DOCK10: variants seen among roughly 807,000 people sequenced by gnomAD.
The protein encoded by DOCK10 is dedicator of cytokinesis 10.
In DOCK10, 145 loss-of-function variants were observed where a neutral mutation model predicts 280.1. The observed-to-expected ratio is 0.52, with a 90% CI of 0.45 to 0.59. The LOEUF is 0.59. Ranked by LOEUF, DOCK10 falls within the 20% of genes least tolerant of loss-of-function variation. DOCK10 has a pLI of 0.00. For missense variants in DOCK10, 2,368 were observed against 2,651.7 expected, an observed-to-expected ratio of 0.89 and a Z score of 2.35; for synonymous variants, 915 against 942.2, an observed-to-expected ratio of 0.97 and a Z score of 0.53.
At chr2:225,000,032 G>T (rs929786043) in intron 1 of DOCK10, among the ~76,000 whole-genome samples, 2 of 152,164 alleles carry the variant, frequency 1.3e-5, no homozygotes, top group African/African-American at 4.8e-5. Context: ...CCTTCAGTTT[G>T]AAAATTACAG....
intron 4 of DOCK10, among the ~76,000 whole-genome samples, chr2:224,895,857 ATATATG>A (rs752136108): frequency 7.6e-4 from 80 of 105,844 alleles, no homozygotes; most frequent in African/African-American, 1.5e-3. Flanking sequence ...ATATATATAT[ATATATG>A]TCTTTTGTGG....
At chr2:224,789,653 T>C (rs1009864076) in intron 47 of DOCK10, among the ~76,000 whole-genome samples, 1 of 152,146 alleles carries the variant, frequency 6.6e-6, no homozygotes, top group East Asian at 1.9e-4. Context: ...GACAGGAGGA[T>C]TGCTTGAGCC....
At chr2:224,903,312 A>G (rs1441179466) in intron 3 of DOCK10, among the ~76,000 whole-genome samples, 1 of 152,250 alleles carries the variant, frequency 6.6e-6, no homozygotes, top group Non-Finnish European at 1.5e-5. Flanking sequence ...GTTACAATAT[A>G]TATAAGCATG....
chr2:224,796,528 G>A (rs1413000178), intron 43 of DOCK10, 102 bp from the exon 44 acceptor site: 11 of 695,784 alleles, frequency 1.6e-5, no homozygotes, highest in Non-Finnish European at 2.4e-6. Context: ...TCTCCCTGTA[G>A]GTCCAATAAA....
intron 24 of DOCK10, among the ~76,000 whole-genome samples, chr2:224,839,204 G>A (rs1159032655): frequency 6.6e-6 from 1 of 150,664 alleles, no homozygotes; most frequent in Non-Finnish European, 1.5e-5. Flanking sequence ...TCAGCCTCCC[G>A]AGTAGCTGGG....
In DOCK10 at chr2:224,931,660, C is replaced by T. The variant is rs759087972; in HGVS notation, c.132G>A (p.Lys44=). ...AATCCAAAGGCTCGAGAAGCCTAGGCTTTTCTTGCTGTAGAAAAAGAAAAT... is the reference window on the plus strand; with the variant it reads ...AATCCAAAGGCTCGAGAAGCCTAGGTTTTTCTTGCTGTAGAAAAAGAAAAT... ...VSSRQQQRQE[K]PRLLEPLDYE... The change falls in exon 2 of 56, where the codon AAG becomes AAA. Residue 44 remains lysine, a synonymous_variant. Transcript: ENST00000258390. The T allele has an allele frequency of 2.5e-6, 4 of 1,602,278 alleles. No individual in the cohort carries two copies. The East Asian group carries it at 8.9e-5, about 36-fold the overall frequency.
intron 1 of DOCK10, among the ~76,000 whole-genome samples, chr2:225,029,419 G>T (rs542377326): frequency 6.6e-6 from 1 of 152,250 alleles, no homozygotes; most frequent in Non-Finnish European, 1.5e-5. Flanking sequence ...TAATCCACCT[G>T]CCTCGGCCTC....
chr2:224,966,804 T>C (rs1704770022), intron 1 of DOCK10, among the ~76,000 whole-genome samples: 1 of 152,122 alleles, frequency 6.6e-6, no homozygotes, highest in Admixed American at 6.5e-5. Flanking sequence ...TATATTTTAT[T>C]GAGGCTGTGA....
chr2:224,782,506 G>C (rs1186065732), intron 50 of DOCK10, among the ~76,000 whole-genome samples: 1 of 152,162 alleles, frequency 6.6e-6, no homozygotes, highest in African/African-American at 2.4e-5. Flanking sequence ...CAATACCTCA[G>C]GGACACTTTG....
rs566771811 is a variant in DOCK10 at position 224,965,106 on chromosome 2, T to C, written c.124-33438A>G. The stretch of plus-strand genomic sequence containing the variant: ...CAAAAATATCAGCAATGAATAGGGT[T>C]GATTTTAGAAAATAATTACATTGTG... On this transcript the variant is annotated intron_variant, in intron 1 of 55. Coordinates refer to ENST00000258390, the MANE Select transcript of DOCK10 (RefSeq NM_014689.3). 3.1e-4 allele frequency among the ~76,000 whole-genome samples: 48 copies of C among 152,388 alleles called. No homozygotes were observed. The South Asian group carries it at 3.5e-3, about 11-fold the overall frequency.
At chr2:224,967,629 G>T (rs1166679895) in intron 1 of DOCK10, among the ~76,000 whole-genome samples, 1 of 151,910 alleles carries the variant, frequency 6.6e-6, no homozygotes, top group Non-Finnish European at 1.5e-5. Context: ...CCTCAAACTG[G>T]CTCTGTGTTG....
At chr2:224,850,501 T>A (rs187801166) in intron 18 of DOCK10, among the ~76,000 whole-genome samples, 1 of 152,296 alleles carries the variant, frequency 6.6e-6, no homozygotes, top group Admixed American at 6.5e-5. Flanking sequence ...TTTGCGGACC[T>A]CCCCTAGCCT....
chr2:225,011,095 G>A (rs1689422231), intron 1 of DOCK10, among the ~76,000 whole-genome samples: 1 of 152,192 alleles, frequency 6.6e-6, no homozygotes, highest in Non-Finnish European at 1.5e-5. Context: ...ATATTGATAT[G>A]ATATCTATCA....
At chr2:224,951,884 T>A (rs1703751715) in intron 1 of DOCK10, among the ~76,000 whole-genome samples, 1 of 152,138 alleles carries the variant, frequency 6.6e-6, no homozygotes, top group Non-Finnish European at 1.5e-5. Context: ...CAGCCAGGGG[T>A]TATTCTTAGC....
intron 28 of DOCK10, among the ~76,000 whole-genome samples, chr2:224,820,076 A>T (rs1280400132): frequency 6.6e-6 from 1 of 152,166 alleles, no homozygotes; most frequent in Non-Finnish European, 1.5e-5. Flanking sequence ...AGTGGTAGAG[A>T]CGAGTCAGGA....
rs1419782864 is a variant in DOCK10, at chr2:224,787,303, G to A, written c.5513C>T (p.Ala1838Val). Residue 1838 changes from alanine (A) to valine (V), a missense_variant, in exon 49 of 56, where the codon GCT becomes GTT. Coordinates refer to ENST00000258390, the MANE Select transcript of DOCK10 (RefSeq NM_014689.3). ...LIADVNKPIIAVFEKQRDFKK... is the reference protein window; with the variant it reads ...LIADVNKPIIVVFEKQRDFKK... ...GAAGTCTCGTTGTTTCTCAAAGACA[G>A]CAATGATGGGCTTGTTGACATCAGC... 2 of 1,613,982 alleles carry A rather than the reference G, an allele frequency of 1.2e-6. No homozygotes were observed. Among genetic ancestry groups the A allele is most frequent in the Admixed American group, 1.7e-5 (1 of 60,010 alleles).
intron 1 of DOCK10, among the ~76,000 whole-genome samples, chr2:224,975,223 A>T (rs947591119): frequency 2.0e-5 from 3 of 152,188 alleles, no homozygotes; most frequent in Non-Finnish European, 4.4e-5. Context: ...ATTACATTCA[A>T]TTAATTCTCA....
intron 1 of DOCK10, among the ~76,000 whole-genome samples, chr2:225,026,388 G>A (rs1250032258): frequency 6.6e-6 from 1 of 152,208 alleles, no homozygotes; most frequent in East Asian, 1.9e-4. Flanking sequence ...AAGACAACTA[G>A]TGAGAAGGCT....
chr2:224,842,808 C>T (rs983421248), intron 22 of DOCK10, among the ~76,000 whole-genome samples: 3 of 152,112 alleles, frequency 2.0e-5, no homozygotes, highest in Admixed American at 6.5e-5. Context: ...TCCATTAAGG[C>T]GGGGAGGCCA....
Sources: gnomAD v4.1 joint callset for allele counts (sites outside exome capture counted in the v4.1 genomes callset) on GRCh38, gnomAD v4.1.1 for gene constraint, MANE v1.5 for transcripts, NCBI Gene and HGNC (gene_info 2026-07-23, HGNC 2026-07-21) for gene names.